WDR70: variants seen among roughly 807,000 people sequenced by gnomAD.
WDR70 encodes the protein WD repeat domain 70.
A neutral mutation model predicts 88.6 loss-of-function variants in WDR70; 53 were observed. The observed-to-expected ratio is 0.60, with a 90% confidence interval of 0.48 to 0.75. The LOEUF is 0.75. Ranked by LOEUF, WDR70 falls within the 30% of genes least tolerant of loss-of-function variation. The pLI, the probability that WDR70 is intolerant of heterozygous loss-of-function variation, is 0.00. For synonymous variants in WDR70, 280 were observed against 270.0 expected, an observed-to-expected ratio of 1.04 and a Z score of -0.36; for missense variants, 610 against 823.2, an observed-to-expected ratio of 0.74 and a Z score of 3.17.
intron 9 of WDR70, among the ~76,000 whole-genome samples, chr5:37,549,652 G>T (rs963777792): frequency 2.0e-5 from 3 of 152,082 alleles, no homozygotes; most frequent in Non-Finnish European, 4.4e-5. Flanking sequence ...CTGATCACTA[G>T]CTAGGACTTC....
intron 17 of WDR70, among the ~76,000 whole-genome samples, chr5:37,748,767 C>A (rs1485949998): frequency 6.6e-6 from 1 of 151,958 alleles, no homozygotes; most frequent in Non-Finnish European, 1.5e-5. Context: ...AACATATTTA[C>A]AAGAAGAAAA....
At chr5:37,523,568 A>G (rs1412937765) in intron 9 of WDR70, among the ~76,000 whole-genome samples, 1 of 152,226 alleles carries the variant, frequency 6.6e-6, no homozygotes, top group Non-Finnish European at 1.5e-5. Flanking sequence ...TAAAAATCAG[A>G]GCGCCTCTCC....
At chr5:37,703,783 A>G (rs1747238026) in intron 13 of WDR70, among the ~76,000 whole-genome samples, 1 of 152,208 alleles carries the variant, frequency 6.6e-6, no homozygotes, top group Admixed American at 6.5e-5. Flanking sequence ...GTATATTATT[A>G]TTTACATGGT....
At chr5:37,608,975 C>A (rs1217081540) in intron 10 of WDR70, among the ~76,000 whole-genome samples, 1 of 152,168 alleles carries the variant, frequency 6.6e-6, no homozygotes, top group Non-Finnish European at 1.5e-5. Context: ...ATATAGCAGA[C>A]CTTCAGTAAC....
intron 5 of WDR70, among the ~76,000 whole-genome samples, chr5:37,402,071 C>T (rs1440311432): frequency 2.0e-5 from 3 of 152,164 alleles, no homozygotes; most frequent in Non-Finnish European, 4.4e-5. Flanking sequence ...ACCAAACTCT[C>T]TTTATACCCC....
chr5:37,552,642 T>TAGATAGATAAGATG (rs1214242470), intron 9 of WDR70, among the ~76,000 whole-genome samples: 250 of 152,346 alleles, frequency 1.6e-3, no homozygotes, highest in African/African-American at 5.8e-3. Flanking sequence ...AGATGATAGA[T>TAGATAGATAAGATG]ACAGGTTTGC....
chr5:37,627,416 C>T (rs1223877868), intron 10 of WDR70, among the ~76,000 whole-genome samples: 1 of 152,052 alleles, frequency 6.6e-6, no homozygotes, highest in Non-Finnish European at 1.5e-5. Flanking sequence ...GCCTCAGTCT[C>T]AATTTTGTTT....
chr5:37,615,576 G>T (rs939244439), intron 10 of WDR70, among the ~76,000 whole-genome samples: 3 of 152,046 alleles, frequency 2.0e-5, no homozygotes, highest in African/African-American at 7.2e-5. Context: ...TTTTAAGTTC[G>T]GTAATCATTA....
rs1246060481 is a variant in WDR70, at chr5:37,487,619, ATATATGTATT to A, written c.840+7634_840+7643del. On this transcript the variant is annotated intron_variant, in intron 8 of 17. Coordinates refer to ENST00000265107, the MANE Select transcript of WDR70 (RefSeq NM_018034.4). ...TATATAAATATATATATATATATAT[ATATATGTATT>A]TTTTTTTTTTTTTTTGAGAGGGTGT... Among the ~76,000 whole-genome samples, 70 of 93,514 alleles carry A rather than the reference ATATATGTATT, an allele frequency of 7.5e-4. 2 individuals carry two copies. The highest frequency in any genetic ancestry group is 3.3e-3 in the South Asian group (9 of 2,702). The allele number at this position is 93,514 out of a possible 152,430, so 61.3% of individuals were successfully genotyped here. A position where few individuals can be genotyped will look rare whatever the true frequency, so the allele number is the denominator to read the frequency against.
At chr5:37,744,553 T>G (rs1748585798) in intron 17 of WDR70, among the ~76,000 whole-genome samples, 1 of 151,902 alleles carries the variant, frequency 6.6e-6, no homozygotes, top group African/African-American at 2.4e-5. Context: ...GAGGAGGAAT[T>G]GCTAAACTAG....
chr5:37,631,365 T>A (rs181941543), intron 10 of WDR70, among the ~76,000 whole-genome samples: 1 of 152,306 alleles, frequency 6.6e-6, no homozygotes, highest in East Asian at 1.9e-4. Flanking sequence ...ATATAGAGCT[T>A]GACCAGATAA....
intron 5 of WDR70, among the ~76,000 whole-genome samples, chr5:37,402,931 C>T (rs1363087583): frequency 7.1e-6 from 1 of 141,556 alleles, no homozygotes; most frequent in Admixed American, 8.1e-5. Context: ...TCCCTCCTTC[C>T]CTCCCTCCCT....
chr5:37,394,221 C>T (rs553731417), intron 4 of WDR70, among the ~76,000 whole-genome samples: 1 of 149,020 alleles, frequency 6.7e-6, no homozygotes, highest in Non-Finnish European at 1.5e-5. Context: ...AAGAGAATCA[C>T]TTGAACCCAG....
intron 5 of WDR70, among the ~76,000 whole-genome samples, chr5:37,415,594 G>T (rs557266301): frequency 7.2e-6 from 1 of 139,604 alleles, no homozygotes; most frequent in Admixed American, 7.0e-5. Flanking sequence ...CGGACGGGGC[G>T]GCTGGCCGGG....
At chr5:37,485,991 A>T (rs1739856211) in intron 8 of WDR70, among the ~76,000 whole-genome samples, 1 of 151,660 alleles carries the variant, frequency 6.6e-6, no homozygotes, top group Admixed American at 6.6e-5. Context: ...CTGGGATTAC[A>T]GGCGTTAGCC....
At chr5:37,448,107 C>A (rs1389414211) in intron 7 of WDR70, among the ~76,000 whole-genome samples, 1 of 152,108 alleles carries the variant, frequency 6.6e-6, no homozygotes. Context: ...TATTGGTGAT[C>A]ATTTCTTTTT....
intron 17 of WDR70, among the ~76,000 whole-genome samples, chr5:37,746,460 C>T (rs1748640860): frequency 6.6e-6 from 1 of 151,888 alleles, no homozygotes. Context: ...GAAAAACCCT[C>T]CAAAAAAATC....
At chr5:37,416,052 T>C (rs1242074091) in intron 5 of WDR70, among the ~76,000 whole-genome samples, 2 of 135,644 alleles carry the variant, frequency 1.5e-5, no homozygotes, top group Admixed American at 7.3e-5. Flanking sequence ...GAGGGGCTCC[T>C]CACATCCCAG....
intron 10 of WDR70, among the ~76,000 whole-genome samples, chr5:37,689,523 A>G (rs1392261718): frequency 1.3e-5 from 2 of 152,196 alleles, no homozygotes; most frequent in Admixed American, 6.5e-5. Context: ...CTGTTCTGCA[A>G]TATTTGCTGT....
Sources: gnomAD v4.1 joint callset for allele counts (sites outside exome capture counted in the v4.1 genomes callset) on GRCh38, gnomAD v4.1.1 for gene constraint, MANE v1.5 for transcripts, NCBI Gene and HGNC (gene_info 2026-07-23, HGNC 2026-07-21) for gene names.